KATNBL1: variants seen among roughly 807,000 people sequenced by gnomAD.
KATNBL1 encodes katanin regulatory subunit B1 like 1, also known as KATNB1-like protein 1.
KATNBL1 carries 28 observed loss-of-function variants against 44.7 expected under a neutral mutation model. The ratio of observed to expected loss-of-function variants is 0.63; its 90% CI spans 0.46 to 0.86. The LOEUF is 0.86. Ranked by LOEUF, KATNBL1 falls within the 40% of genes least tolerant of loss-of-function variation. The pLI, the probability that KATNBL1 is intolerant of heterozygous loss-of-function variation, is 0.00. For missense variants in KATNBL1, 272 were observed against 350.7 expected, an observed-to-expected ratio of 0.78 and a Z score of 1.79; for synonymous variants, 78 against 114.9, an observed-to-expected ratio of 0.68 and a Z score of 2.06.
At chr15:34,209,721 C>G (rs1284103239) in intron 1 of KATNBL1, 1 of 151,960 alleles carries the variant, frequency 6.6e-6, no homozygotes, top group Non-Finnish European at 1.5e-5. Context: ...TCCCCTGGAG[C>G]CCCCCAGCGC....
intron 1 of KATNBL1, among the ~76,000 whole-genome samples, chr15:34,190,508 G>A (rs1356551570): frequency 2.0e-5 from 3 of 152,178 alleles, no homozygotes; most frequent in Admixed American, 6.5e-5. Flanking sequence ...AGCAACCACA[G>A]TAAAACTCTT....
At chr15:34,161,045 G>T (rs1888787135) in intron 2 of KATNBL1, among the ~76,000 whole-genome samples, 1 of 152,142 alleles carries the variant, frequency 6.6e-6, no homozygotes, top group Admixed American at 6.6e-5. Context: ...CTCCAACCCA[G>T]ACTCCTTTAC....
At chr15:34,195,239 T>G (rs2140992568) in intron 1 of KATNBL1, among the ~76,000 whole-genome samples, 1 of 152,332 alleles carries the variant, frequency 6.6e-6, no homozygotes, top group Middle Eastern at 3.4e-3. Context: ...ATGTGGTACA[T>G]ATACAATATG....
chr15:34,150,935 G>C (rs1280113754), intron 4 of KATNBL1, among the ~76,000 whole-genome samples: 2 of 152,126 alleles, frequency 1.3e-5, no homozygotes, highest in Non-Finnish European at 2.9e-5. Context: ...CAAATGACAT[G>C]ATCTTGTTCT....
intron 1 of KATNBL1, among the ~76,000 whole-genome samples, chr15:34,170,822 C>T (rs1208116058): frequency 6.6e-6 from 1 of 151,808 alleles, no homozygotes; most frequent in Non-Finnish European, 1.5e-5. Context: ...AACCTGACAA[C>T]AAGCAATGGG....
chr15:34,146,554 G>A (rs1888316712), intron 8 of KATNBL1: 1 of 486,292 alleles, frequency 2.1e-6, no homozygotes, highest in Non-Finnish European at 3.6e-6. Context: ...GCCAGAAGAA[G>A]AGATACAGGA....
intron 1 of KATNBL1, among the ~76,000 whole-genome samples, chr15:34,205,042 G>A (rs938725554): frequency 1.0e-4 from 15 of 150,296 alleles, no homozygotes; most frequent in South Asian, 8.5e-4. Context: ...TTGCCAGGCC[G>A]GAGTGCAGTG....
intron 1 of KATNBL1, among the ~76,000 whole-genome samples, chr15:34,181,831 C>CAT (rs1428690100): frequency 2.7e-5 from 2 of 73,264 alleles, no homozygotes; most frequent in South Asian, 5.1e-4. Context: ...CATATATATC[C>CAT]ATATATATAC....
intron 8 of KATNBL1, 105 bp from the exon 9 acceptor site, chr15:34,145,596 T>C (rs1479761300): frequency 1.9e-6 from 2 of 1,027,788 alleles, no homozygotes; most frequent in Non-Finnish European, 2.5e-6. Flanking sequence ...TTTCAGGTAT[T>C]TTTCAGGAGA....
At chr15:34,184,581 T>C (rs113753873) in intron 1 of KATNBL1, among the ~76,000 whole-genome samples, 1 of 56,364 alleles carries the variant, frequency 1.8e-5, no homozygotes, top group African/African-American at 1.0e-4. Context: ...TGTTTCTTTT[T>C]TTTTTTTTTG....
At chr15:34,144,103 T>G (rs1888239749) in intron 9 of KATNBL1, among the ~76,000 whole-genome samples, 1 of 149,280 alleles carries the variant, frequency 6.7e-6, no homozygotes, top group South Asian at 2.1e-4. Context: ...GGGGCCATGG[T>G]CTTCCATAGC....
chr15:34,179,387 C>T (rs1032859472), intron 1 of KATNBL1, among the ~76,000 whole-genome samples: 1 of 152,194 alleles, frequency 6.6e-6, no homozygotes, highest in African/African-American at 2.4e-5. Context: ...TGACAGAGCC[C>T]TCATGACCTA....
At chr15:34,196,181 GCCAAGTGGGATGGATCA>G (rs1010563328) in intron 1 of KATNBL1, among the ~76,000 whole-genome samples, 22 of 152,166 alleles carry the variant, frequency 1.4e-4, no homozygotes, top group African/African-American at 5.3e-4. Flanking sequence ...ACTTTGGGAG[GCCAAGTGGGATGGATCA>G]CCTGAGGTCA....
chr15:34,161,203 G>A (rs1351504035), intron 2 of KATNBL1, among the ~76,000 whole-genome samples: 4 of 152,194 alleles, frequency 2.6e-5, no homozygotes, highest in Admixed American at 6.5e-5. Flanking sequence ...TCACTCTTGT[G>A]ACGTTTCTTA....
intron 3 of KATNBL1, 149 bp from the exon 4 acceptor site, chr15:34,153,218 T>A (rs570902395): frequency 1.9e-6 from 1 of 530,662 alleles, no homozygotes; most frequent in South Asian, 3.9e-5. Context: ...AATTCTGAGT[T>A]GAAGAGAAAA....
chr15:34,200,086 G>A (rs1356244647), intron 1 of KATNBL1, among the ~76,000 whole-genome samples: 1 of 152,096 alleles, frequency 6.6e-6, no homozygotes, highest in Non-Finnish European at 1.5e-5. Context: ...ACAGAGCACT[G>A]ATGGGTGCAT....
Position 34,147,234 on chromosome 15 carries a change from G to A in KATNBL1, c.664C>T (p.Leu222=). ...SLGCCVDLLP[L]VKSLLKSKFE... ...TTGCTTTTAAGTAGTGACTTTACTAGAGGCAACAAGTCAACACAGCAGCCA... is the reference window on the plus strand; with the variant it reads ...TTGCTTTTAAGTAGTGACTTTACTAAAGGCAACAAGTCAACACAGCAGCCA... Residue 222 remains leucine (L), a synonymous_variant, in exon 7 of 10, where the codon CTA becomes TTA. Coordinates refer to ENST00000256544, the MANE Select transcript of KATNBL1 (RefSeq NM_024713.3). The A allele has an allele frequency of 6.2e-7, 1 of 1,611,698 alleles. No individual in the cohort carries two copies. The highest frequency in any genetic ancestry group is 8.5e-7 in the Non-Finnish European group (1 of 1,178,694).
At chr15:34,172,666 T>C (rs1257820603) in intron 1 of KATNBL1, among the ~76,000 whole-genome samples, 1 of 152,124 alleles carries the variant, frequency 6.6e-6, no homozygotes, top group African/African-American at 2.4e-5. Flanking sequence ...ACCAGGCTTA[T>C]ACACTCCAGG....
chr15:34,162,851 C>A (rs1384704896), intron 2 of KATNBL1, among the ~76,000 whole-genome samples: 1 of 151,768 alleles, frequency 6.6e-6, no homozygotes, highest in African/African-American at 2.4e-5. Flanking sequence ...TGGGTTCAAG[C>A]AATCCTCCTG....
Sources: gnomAD v4.1 joint callset for allele counts (sites outside exome capture counted in the v4.1 genomes callset) on GRCh38, gnomAD v4.1.1 for gene constraint, MANE v1.5 for transcripts, NCBI Gene and HGNC (gene_info 2026-07-23, HGNC 2026-07-21) for gene names.